PTPRT: variants seen among roughly 807,000 people sequenced by gnomAD.
PTPRT encodes the protein protein tyrosine phosphatase receptor type T.
In PTPRT, 56 loss-of-function variants were observed where a neutral mutation model predicts 176.8. The observed-to-expected ratio is 0.32, with a 90% CI of 0.26 to 0.40. The LOEUF is 0.40. Ranked by LOEUF, PTPRT falls within the 10% of genes least tolerant of loss-of-function variation. The pLI is 1.00. For missense variants in PTPRT, 1,540 were observed against 1,908.2 expected (o/e 0.81, Z 3.60); for synonymous variants, 783 against 739.0 (o/e 1.06, Z -0.96).
chr20:42,791,582 A>G, intron 2 of PTPRT, 116 bp from the exon 3 acceptor site: 1 of 1,190,396 alleles, frequency 8.4e-7, no homozygotes, highest in Non-Finnish European at 1.2e-6. Context: ...AGATCAAGTC[A>G]CTCTAGAAGG....
chr20:42,136,785 G>T (rs1988400425), intron 18 of PTPRT, among the ~76,000 whole-genome samples: 1 of 152,184 alleles, frequency 6.6e-6, no homozygotes, highest in East Asian at 1.9e-4. Flanking sequence ...TTGTCGGGGG[G>T]TGATCCCAGG....
chr20:42,511,775 C>T (rs1201901444), intron 7 of PTPRT, among the ~76,000 whole-genome samples: 1 of 151,758 alleles, frequency 6.6e-6, no homozygotes, highest in Non-Finnish European at 1.5e-5. Context: ...AGGTCTATTT[C>T]CTTCTGAAAG....
intron 1 of PTPRT, among the ~76,000 whole-genome samples, chr20:43,186,178 C>T (rs962237823): frequency 6.6e-6 from 1 of 152,222 alleles, no homozygotes; most frequent in African/African-American, 2.4e-5. Context: ...TAATTATCCT[C>T]ACTTTACAAA....
intron 1 of PTPRT, among the ~76,000 whole-genome samples, chr20:43,049,799 C>T (rs549273044): frequency 6.6e-6 from 1 of 152,318 alleles, no homozygotes; most frequent in South Asian, 2.1e-4. Context: ...TTCATCCCTG[C>T]CCTGCTCATA....
chr20:42,136,777 GT>G (rs1043316244), intron 18 of PTPRT, among the ~76,000 whole-genome samples: 6 of 152,210 alleles, frequency 3.9e-5, no homozygotes, highest in African/African-American at 1.4e-4. Flanking sequence ...AGTAGTTGTT[GT>G]CGGGGGGTGA....
intron 22 of PTPRT, among the ~76,000 whole-genome samples, chr20:42,112,542 TG>T (rs138226727): frequency 0.029 from 4,424 of 152,238 alleles, 227 homozygotes; most frequent in African/African-American, 0.1. Context: ...TTTACCCTTA[TG>T]GGGGGCACCT....
chr20:43,096,125 C>T (rs2012158232), intron 1 of PTPRT, among the ~76,000 whole-genome samples: 1 of 147,784 alleles, frequency 6.8e-6, no homozygotes, highest in Non-Finnish European at 1.5e-5. Context: ...TCCTCTCTCT[C>T]CCTCTCTTCT....
intron 6 of PTPRT, among the ~76,000 whole-genome samples, chr20:42,722,546 C>A (rs1399189276): frequency 6.6e-6 from 1 of 152,180 alleles, no homozygotes; most frequent in Non-Finnish European, 1.5e-5. Context: ...TGCACCCTCG[C>A]TGGGAGCTGA....
chr20:42,607,763 C>T (rs543384472), intron 7 of PTPRT, among the ~76,000 whole-genome samples: 4 of 152,186 alleles, frequency 2.6e-5, no homozygotes, highest in South Asian at 2.1e-4. Context: ...GAGTGCACAG[C>T]GGGGGAGCCT....
At chr20:42,369,219 T>G (rs1214599451) in intron 9 of PTPRT, among the ~76,000 whole-genome samples, 1 of 152,088 alleles carries the variant, frequency 6.6e-6, no homozygotes, top group Non-Finnish European at 1.5e-5. Context: ...CACCTCAGTC[T>G]CCAGAGTAAT....
chr20:42,673,663 G>A (rs1336442897), intron 7 of PTPRT, among the ~76,000 whole-genome samples: 5 of 152,144 alleles, frequency 3.3e-5, no homozygotes, highest in Non-Finnish European at 5.9e-5. Flanking sequence ...TTTTGTAAGG[G>A]CATTGATCTC....
At chr20:42,546,159 T>TTTAATTTAAACACC (rs2072669753) in intron 7 of PTPRT, among the ~76,000 whole-genome samples, 1 of 152,102 alleles carries the variant, frequency 6.6e-6, no homozygotes, top group Non-Finnish European at 1.5e-5. Context: ...TTTAAAGGTG[T>TTTAATTTAAACACC]TTAATTGAGC....
chr20:42,132,693 C>G (rs1296164213), intron 18 of PTPRT, among the ~76,000 whole-genome samples: 1 of 152,202 alleles, frequency 6.6e-6, no homozygotes, highest in Non-Finnish European at 1.5e-5. Context: ...TGTGGCACAG[C>G]AAGACCTGTC....
intron 1 of PTPRT, among the ~76,000 whole-genome samples, chr20:43,127,523 T>C (rs1181733074): frequency 6.6e-6 from 1 of 150,640 alleles, no homozygotes; most frequent in Non-Finnish European, 1.5e-5. Context: ...AGCCCGGAGG[T>C]TCAATAACTC....
intron 18 of PTPRT, among the ~76,000 whole-genome samples, 195 bp from the exon 19 acceptor site, chr20:42,129,025 C>G (rs543793104): frequency 1.2e-3 from 189 of 152,286 alleles, no homozygotes; most frequent in Admixed American, 2.3e-3. Flanking sequence ...AAGCACTTCT[C>G]ATTTTTCTAC....
chr20:42,954,084 A>G (rs111589841), intron 1 of PTPRT, among the ~76,000 whole-genome samples: 11,098 of 152,082 alleles, frequency 0.073, 1,166 homozygotes, highest in African/African-American at 0.23. Flanking sequence ...ACCCTGGTAT[A>G]GTCACCTGAG....
chr20:43,084,557 C>G (rs571043955), intron 1 of PTPRT, among the ~76,000 whole-genome samples: 1 of 152,288 alleles, frequency 6.6e-6, no homozygotes, highest in South Asian at 2.1e-4. Context: ...TCACCTGCCA[C>G]CAGGTCCCTC....
chr20:42,877,004 G>A (rs975248356), intron 2 of PTPRT, among the ~76,000 whole-genome samples: 2 of 152,188 alleles, frequency 1.3e-5, no homozygotes, highest in Non-Finnish European at 2.9e-5. Context: ...GGATCAGCAA[G>A]TACAAAGGCA....
intron 8 of PTPRT, among the ~76,000 whole-genome samples, chr20:42,466,152 A>G (rs868052449): frequency 1.3e-5 from 2 of 152,124 alleles, no homozygotes; most frequent in Non-Finnish European, 2.9e-5. Context: ...TATCCAGTCT[A>G]TCATTGATGG....
Sources: allele counts gnomAD v4.1 joint callset (sites outside exome capture counted in the v4.1 genomes callset), GRCh38; gene constraint gnomAD v4.1.1; transcripts MANE v1.5; gene names NCBI Gene and HGNC (gene_info 2026-07-23, HGNC 2026-07-21).